OTOA: variants seen among roughly 807,000 people sequenced by gnomAD.
The protein encoded by OTOA is cancer/testis antigen 108.
OTOA carries 70 observed loss-of-function variants against 110.8 expected under a neutral mutation model. The ratio of observed to expected loss-of-function variants is 0.63; its 90% CI spans 0.52 to 0.77. OTOA has a LOEUF of 0.77. Among genes scored for constraint, OTOA ranks in the 30% least tolerant of loss-of-function variants. The pLI is 0.00. For synonymous variants in OTOA, 373 were observed against 431.5 expected (o/e 0.86, Z 1.68); for missense variants, 917 against 1,075.8 (o/e 0.85, Z 2.06).
intron 10 of OTOA, among the ~76,000 whole-genome samples, chr16:21,699,755 C>G (rs371137928): frequency 1.3e-5 from 2 of 151,946 alleles, no homozygotes; most frequent in East Asian, 1.9e-4. Flanking sequence ...CCCGTCTCTA[C>G]TAAAAATACA....
At chr16:21,669,955 G>T (rs1421413094) in intron 1 of OTOA, among the ~76,000 whole-genome samples, 1 of 151,896 alleles carries the variant, frequency 6.6e-6, no homozygotes, top group Non-Finnish European at 1.5e-5. Flanking sequence ...GTGAAATCTC[G>T]TCTCTACCAA....
chr16:21,684,838 G>A (rs909287173), intron 6 of OTOA, among the ~76,000 whole-genome samples: 1 of 150,952 alleles, frequency 6.6e-6, no homozygotes, highest in East Asian at 1.9e-4. Context: ...TGCAACCTCC[G>A]CCTCCCGGGT....
chr16:21,702,350 G>T (rs542040054), intron 11 of OTOA, among the ~76,000 whole-genome samples: 41 of 152,254 alleles, frequency 2.7e-4, no homozygotes, highest in Admixed American at 2.5e-3. Flanking sequence ...CACTCTTAGG[G>T]AATGTACTCA....
intron 11 of OTOA, among the ~76,000 whole-genome samples, chr16:21,703,406 G>A (rs2141678293): frequency 6.6e-6 from 1 of 152,072 alleles, no homozygotes; most frequent in South Asian, 2.1e-4. Context: ...ATTGCACTTA[G>A]CATAAGATCC....
intron 13 of OTOA, among the ~76,000 whole-genome samples, chr16:21,714,602 C>T (rs1384878317): frequency 1.3e-5 from 2 of 151,858 alleles, no homozygotes. Flanking sequence ...ACCTCTGCCT[C>T]CTGGGTTCAA....
At chr16:21,687,879 G>A (rs1447963731) in intron 8 of OTOA, among the ~76,000 whole-genome samples, 1 of 151,884 alleles carries the variant, frequency 6.6e-6, no homozygotes, top group Non-Finnish European at 1.5e-5. Context: ...GGCCAGGCTG[G>A]TTTCGAACTC....
intron 20 of OTOA, among the ~76,000 whole-genome samples, chr16:21,728,691 C>T (rs1223874329): frequency 4.0e-5 from 6 of 151,522 alleles, no homozygotes; most frequent in African/African-American, 9.7e-5. Flanking sequence ...CTGGTTCAAG[C>T]GATTCTCCTG....
intron 17 of OTOA, among the ~76,000 whole-genome samples, 192 bp from the exon 18 acceptor site, chr16:21,722,713 G>A (rs56033840): frequency 4.6e-4 from 70 of 152,198 alleles, no homozygotes; most frequent in Non-Finnish European, 8.1e-4. Context: ...TTAAATGTCC[G>A]TGTTCATGTT....
intron 1 of OTOA, among the ~76,000 whole-genome samples, chr16:21,673,897 A>G (rs1390771078): frequency 1.3e-5 from 2 of 152,038 alleles, no homozygotes; most frequent in Non-Finnish European, 2.9e-5. Flanking sequence ...TCCTGGGTTC[A>G]TGCCATTCTC....
At chr16:21,705,088 C>A in intron 11 of OTOA, 81 bp from the exon 12 acceptor site, 1 of 1,604,912 alleles carries the variant, frequency 6.2e-7, no homozygotes, top group Non-Finnish European at 8.5e-7. Flanking sequence ...AACAACTCAC[C>A]ATTTTATTAC....
intron 24 of OTOA, among the ~76,000 whole-genome samples, chr16:21,749,506 G>A (rs1227370299): frequency 1.3e-5 from 2 of 148,936 alleles, no homozygotes; most frequent in Non-Finnish European, 3.0e-5. Context: ...TCCAGCCTGG[G>A]TGACACAGTG....
chr16:21,678,939 T>C lies in OTOA; in HGVS notation c.116T>C (p.Met39Thr). The change falls in exon 3 of 29, where the codon ATG becomes ACG. Residue 39 changes from methionine (M) to threonine (T), a missense_variant. Met to Thr is a moderately conservative substitution (Grantham distance 81). This residue lies in a region of OTOA where 840 missense variants were observed against 910.2 expected (regional missense o/e 0.92). Transcript: ENST00000646100. ...RQDLHPLLQN[M>T]AEEIIDGSYL... ...GATTTGCATCCATTGTTGCAAAACA[T>C]GGCGGTGAGTATTCTATTTTCTGTT... 1 of 1,613,842 alleles carries C rather than the reference T, an allele frequency of 6.2e-7. No homozygotes were observed. Among genetic ancestry groups the C allele is most frequent in the Non-Finnish European group, 8.5e-7 (1 of 1,179,950 alleles).
At chr16:21,715,246 G>A in intron 14 of OTOA, 94 bp downstream of exon 14, 1 of 1,539,590 alleles carries the variant, frequency 6.5e-7, no homozygotes, top group East Asian at 2.3e-5. Flanking sequence ...ATGAACCCAG[G>A]GCTGGGATTG....
chr16:21,717,104 T>C, intron 15 of OTOA, 57 bp downstream of exon 15: 1 of 1,602,264 alleles, frequency 6.2e-7, no homozygotes, highest in Non-Finnish European at 8.5e-7. Context: ...CTTGTGAGAA[T>C]GAATGGTCTG....
intron 19 of OTOA, among the ~76,000 whole-genome samples, chr16:21,727,322 A>G (rs1010010029): frequency 2.0e-5 from 3 of 152,088 alleles, no homozygotes; most frequent in African/African-American, 4.8e-5. Flanking sequence ...TAGTCTCCTC[A>G]TAGAGTATTG....
At chr16:21,670,908 G>C (rs1440194347) in intron 1 of OTOA, among the ~76,000 whole-genome samples, 1 of 152,120 alleles carries the variant, frequency 6.6e-6, no homozygotes, top group Non-Finnish European at 1.5e-5. Flanking sequence ...GGAACAGCCT[G>C]TGAGAGGGTC....
intron 18 of OTOA, among the ~76,000 whole-genome samples, chr16:21,723,695 G>A (rs1391848081): frequency 6.6e-6 from 1 of 152,030 alleles, no homozygotes; most frequent in Non-Finnish European, 1.5e-5. Flanking sequence ...GTTCAGAGAG[G>A]GACTTCAGGC....
chr16:21,701,068 A>T (rs1428339467), intron 11 of OTOA, 41 bp downstream of exon 11: 1 of 1,613,540 alleles, frequency 6.2e-7, no homozygotes. Flanking sequence ...CTTTCCCAAG[A>T]TGTGATCTAA....
At chr16:21,738,730 G>C (rs1199340428) in intron 22 of OTOA, among the ~76,000 whole-genome samples, 3 of 152,280 alleles carry the variant, frequency 2.0e-5, no homozygotes, top group Admixed American at 2.0e-4. Flanking sequence ...GGTTTATATG[G>C]GTACAGGATA....
Sources: allele counts gnomAD v4.1 joint callset (sites outside exome capture counted in the v4.1 genomes callset), GRCh38; gene constraint gnomAD v4.1.1; regional missense constraint gnomAD v4.1.1; transcripts MANE v1.5; gene names NCBI Gene and HGNC (gene_info 2026-07-23, HGNC 2026-07-21).